C3orf20: variants seen among roughly 807,000 people sequenced by gnomAD.
C3orf20 encodes uncharacterized protein C3orf20.
C3orf20 carries 76 observed loss-of-function variants against 88.3 expected under a neutral mutation model. That is an observed-to-expected ratio of 0.86 (90% CI 0.72 to 1.04). The LOEUF (loss-of-function observed/expected upper bound fraction) is 1.04, where lower values mean the gene tolerates loss of function less well. C3orf20 is among the 50% of genes least tolerant of loss of function. C3orf20 has a pLI of 0.00. For missense variants in C3orf20, 1,056 were observed against 1,123.3 expected, an observed-to-expected ratio of 0.94 and a Z score of 0.86; for synonymous variants, 436 against 437.4, an observed-to-expected ratio of 1.00 and a Z score of 0.04.
At chr3:14,677,112 C>A (rs1559388627) in intron 1 of C3orf20, among the ~76,000 whole-genome samples, 1 of 152,112 alleles carries the variant, frequency 6.6e-6, no homozygotes, top group Non-Finnish European at 1.5e-5. Flanking sequence ...GGACTCGCTG[C>A]CCTTATCAGA....
chr3:14,754,867 G>T (rs1357185964), intron 12 of C3orf20, among the ~76,000 whole-genome samples: 7 of 152,098 alleles, frequency 4.6e-5, no homozygotes. Context: ...TGGGACCACA[G>T]GCATGTGCCA....
intron 12 of C3orf20, 135 bp downstream of exon 12, chr3:14,728,823 A>G: frequency 1.3e-6 from 1 of 763,362 alleles, no homozygotes; most frequent in Non-Finnish European, 2.1e-6. Context: ...GAGGAGATAA[A>G]CACATGAATA....
At chr3:14,687,387 C>T (rs2032489324) in intron 4 of C3orf20, among the ~76,000 whole-genome samples, 1 of 152,174 alleles carries the variant, frequency 6.6e-6, no homozygotes, top group Admixed American at 6.5e-5. Flanking sequence ...ACAGTGTTTA[C>T]CATGAAATGA....
At chr3:14,723,283 A>G (rs1314637388) in intron 10 of C3orf20, among the ~76,000 whole-genome samples, 2 of 152,272 alleles carry the variant, frequency 1.3e-5, no homozygotes, top group African/African-American at 2.4e-5. Context: ...CAATAAGGAC[A>G]TAGGGTGTGG....
chr3:14,719,926 G>A (rs952347282), intron 9 of C3orf20, among the ~76,000 whole-genome samples: 2 of 152,220 alleles, frequency 1.3e-5, no homozygotes, highest in Non-Finnish European at 2.9e-5. Context: ...TTGCTCAACT[G>A]CAGAGCTTGA....
chr3:14,722,669 C>A, intron 10 of C3orf20: 1 of 444,694 alleles, frequency 2.2e-6, no homozygotes. Context: ...TTGAAAATTC[C>A]CTGTGATTCC....
Position 14,682,993 on chromosome 3 carries a change from C to T in C3orf20, c.280C>T (p.Pro94Ser). 1 of 1,613,660 alleles carries T rather than the reference C, an allele frequency of 6.2e-7. No homozygotes were observed. Among genetic ancestry groups the T allele is most frequent in the Non-Finnish European group, 8.5e-7 (1 of 1,179,782 alleles). ...TFVQVPTLKKPLPPPPPAPPR... is the reference protein window; with the variant it reads ...TFVQVPTLKKSLPPPPPAPPR... ...TGTGCAGGTCCCCACACTGAAGAAG[C>T]CACTACCTCCACCACCACCAGCACC... Residue 94 changes from proline (P) to serine (S), a missense_variant, in exon 3 of 17, where the codon CCA becomes TCA. Coordinates refer to ENST00000253697, the MANE Select transcript of C3orf20 (RefSeq NM_032137.5).
chr3:14,763,862 A>ATT (rs2035627307), intron 15 of C3orf20, among the ~76,000 whole-genome samples: 1 of 152,222 alleles, frequency 6.6e-6, no homozygotes, highest in Non-Finnish European at 1.5e-5. Flanking sequence ...TATTATCATT[A>ATT]AAATGAGCTC....
intron 4 of C3orf20, 119 bp from the exon 5 acceptor site, chr3:14,689,878 C>T (rs544547536): frequency 1.1e-5 from 15 of 1,309,560 alleles, no homozygotes; most frequent in South Asian, 4.0e-5. Context: ...TGTAACAATG[C>T]GGCACTTTAC....
chr3:14,706,745 T>G (rs1479694877), intron 7 of C3orf20, among the ~76,000 whole-genome samples: 1 of 152,006 alleles, frequency 6.6e-6, no homozygotes, highest in African/African-American at 2.4e-5. Flanking sequence ...TTCCCTTGAT[T>G]ATAAGATGAG....
At position 14,769,750 on chromosome 3, in the gene C3orf20, C is replaced by T. The variant is rs143815612; in HGVS notation, c.2496-2317C>T. ...GGAGGACCAGCCCTCTGGTGGGGCG[C>T]GGGGTAGGGGCACTGGATGGAAGAG... is the stretch of plus-strand genomic sequence containing the variant. On this transcript the variant is annotated intron_variant, in intron 15 of 16. Coordinates refer to ENST00000253697, the MANE Select transcript of C3orf20 (RefSeq NM_032137.5). Among the ~76,000 whole-genome samples the T allele has an allele frequency of 8.3e-3, 1,262 of 152,052 alleles. 16 individuals are homozygous for T. Among genetic ancestry groups the T allele is most frequent in the Non-Finnish European group, 0.012 (787 of 67,964 alleles).
chr3:14,703,738 A>G (rs1257299664), intron 6 of C3orf20, among the ~76,000 whole-genome samples: 2 of 152,198 alleles, frequency 1.3e-5, no homozygotes, highest in Non-Finnish European at 1.5e-5. Context: ...TAGATGTTCT[A>G]CCAGACAGAC....
intron 9 of C3orf20, among the ~76,000 whole-genome samples, chr3:14,719,469 A>G (rs964292568): frequency 1.3e-5 from 2 of 152,248 alleles, no homozygotes; most frequent in African/African-American, 2.4e-5. Context: ...ATGACGGATT[A>G]TGTGTCTGGG....
intron 5 of C3orf20, among the ~76,000 whole-genome samples, chr3:14,695,969 A>C (rs1334057630): frequency 3.3e-5 from 5 of 151,834 alleles, no homozygotes; most frequent in Non-Finnish European, 5.9e-5. Context: ...TAGTCCATTT[A>C]TATTCAATGT....
chr3:14,680,272 G>A (rs1157977575), intron 1 of C3orf20, among the ~76,000 whole-genome samples: 1 of 152,100 alleles, frequency 6.6e-6, no homozygotes, highest in African/African-American at 2.4e-5. Context: ...ACAAATGAGT[G>A]GATCAACAAA....
chr3:14,684,204 C>G (rs755426531), intron 3 of C3orf20, 38 bp from the exon 4 acceptor site: 1 of 1,610,144 alleles, frequency 6.2e-7, no homozygotes, highest in Non-Finnish European at 8.5e-7. Context: ...TAGCCCCATG[C>G]TAGGAGGGAC....
chr3:14,728,547 C>T lies in C3orf20; in HGVS notation c.1799C>T (p.Ser600Leu). The change falls in exon 12 of 17, where the codon TCA becomes TTA. Residue 600 changes from serine to leucine, a missense_variant. By Grantham distance (145) the Ser-to-Leu change is moderately radical (BLOSUM62 -2). Coordinates refer to ENST00000253697, the MANE Select transcript of C3orf20 (RefSeq NM_032137.5). ...CGGCTCCCCAAGCTAAGTTTATACT[C>T]AGGAGAAAGTCTTTTACGATCTCAG... ...PERLPKLSLYSGESLLRSQSG... is the reference protein window; with the variant it reads ...PERLPKLSLYLGESLLRSQSG... 6.2e-7 allele frequency: 1 copy of T among 1,614,220 alleles called. No individual in the cohort carries two copies. The highest frequency in any genetic ancestry group is 8.5e-7 in the Non-Finnish European group (1 of 1,180,038).
intron 12 of C3orf20, among the ~76,000 whole-genome samples, chr3:14,731,665 G>A (rs961443099): frequency 6.6e-6 from 1 of 152,188 alleles, no homozygotes; most frequent in East Asian, 1.9e-4. Flanking sequence ...GGCACCCTAA[G>A]CCTAGCAACT....
intron 12 of C3orf20, among the ~76,000 whole-genome samples, chr3:14,750,003 AAAAC>A (rs1240738471): frequency 6.6e-6 from 1 of 151,868 alleles, no homozygotes; most frequent in Admixed American, 6.6e-5. Flanking sequence ...ACAGAAAAAA[AAAAC>A]AAAAAAGTTA....
Sources: gnomAD v4.1 joint callset for allele counts (sites outside exome capture counted in the v4.1 genomes callset) on GRCh38, gnomAD v4.1.1 for gene constraint, MANE v1.5 for transcripts, NCBI Gene and HGNC (gene_info 2026-07-23, HGNC 2026-07-21) for gene names.